UBA2: variants seen among roughly 807,000 people sequenced by gnomAD.
UBA2 encodes the protein ubiquitin like modifier activating enzyme 2, also known as SUMO-activating enzyme subunit 2.
A neutral mutation model predicts 77.2 loss-of-function variants in UBA2; 11 were observed. The ratio of observed to expected loss-of-function variants is 0.14; its 90% CI spans 0.09 to 0.24. The LOEUF (loss-of-function observed/expected upper bound fraction) is 0.24, where lower values mean the gene tolerates loss of function less well. UBA2 is among the 10% of genes least tolerant of loss of function. The probability of loss-of-function intolerance (pLI) is 1.00; values close to 1 mark genes in which losing one functional copy is unlikely to be tolerated. For synonymous variants in UBA2, 278 were observed against 276.7 expected (o/e 1.00, Z -0.05); for missense variants, 487 against 781.7 (o/e 0.62, Z 4.50).
At chr19:34,436,377 G>A (rs963046449) in intron 5 of UBA2, among the ~76,000 whole-genome samples, 8 of 151,936 alleles carry the variant, frequency 5.3e-5, no homozygotes, top group African/African-American at 1.5e-4. Context: ...TCAGCTCGCC[G>A]CAACCTCCGT....
At chr19:34,454,911 C>G (rs948662307) in intron 12 of UBA2, among the ~76,000 whole-genome samples, 2 of 152,098 alleles carry the variant, frequency 1.3e-5, no homozygotes, top group Non-Finnish European at 2.9e-5. Flanking sequence ...TTCAGTCATT[C>G]TCCTATTGAG....
intron 5 of UBA2, among the ~76,000 whole-genome samples, chr19:34,437,223 A>G (rs1410380916): frequency 2.0e-5 from 3 of 150,780 alleles, no homozygotes; most frequent in Non-Finnish European, 4.4e-5. Context: ...TGGCCTCCCA[A>G]AGTGCTGGGA....
In UBA2 at chr19:34,452,165, G is replaced by A. The variant is rs1171247966; in HGVS notation, c.1038+18G>A. 2 of 1,563,438 alleles carry A rather than the reference G, an allele frequency of 1.3e-6. No homozygotes were observed. The highest frequency in any genetic ancestry group is 8.7e-7 in the Non-Finnish European group (1 of 1,147,834). ...GGGATAAGGTTCGTTTTGACAATGTGTGGCAAGTACTTACATGTCAAAAGT... is the reference window on the plus strand; with the variant it reads ...GGGATAAGGTTCGTTTTGACAATGTATGGCAAGTACTTACATGTCAAAAGT... On this transcript the variant is annotated intron_variant, in intron 10 of 16. Coordinates refer to ENST00000246548, the MANE Select transcript of UBA2 (RefSeq NM_005499.3).
At chr19:34,428,641 TCCA>T in intron 1 of UBA2, 71 bp downstream of exon 1, 1 of 712,124 alleles carries the variant, frequency 1.4e-6, no homozygotes, top group Non-Finnish European at 1.8e-6. Context: ...GTTCCGGGGC[TCCA>T]GGGGCTCTGA....
intron 7 of UBA2, 133 bp downstream of exon 7, chr19:34,444,044 G>GTTTTTTTTTTTTTTTTTTTTTTT (rs35028159): frequency 1.2e-5 from 2 of 165,008 alleles, no homozygotes; most frequent in African/African-American, 4.4e-5. Flanking sequence ...TTTTTTTTTT[G>GTTTTTTTTTTTTTTTTTTTTTTT]TTTTTTTTTT....
chr19:34,440,620 C>T (rs2075358612), intron 6 of UBA2, among the ~76,000 whole-genome samples: 1 of 152,066 alleles, frequency 6.6e-6, no homozygotes, highest in Admixed American at 6.6e-5. Flanking sequence ...ATGCAAAAAT[C>T]CTATGTAAAA....
Position 34,469,029 on chromosome 19 carries a change from T to C in UBA2, c.1742-11T>C, listed in dbSNP as rs2075714492. 6.3e-7 allele frequency: 1 copy of C among 1,586,766 alleles called. No individual in the cohort carries two copies. The highest frequency in any genetic ancestry group is 8.5e-7 in the Non-Finnish European group (1 of 1,170,126). ...TTACCCATTTTCTTTTTCCCTTTTT[T>C]CTGAAATAAGCTCAAGAGCAAGATG... is the stretch of plus-strand genomic sequence containing the variant. On this transcript the variant is annotated splice_polypyrimidine_tract_variant and intron_variant, in intron 16 of 16. Transcript: ENST00000246548.
chr19:34,428,807 C>T (rs1042508692), intron 1 of UBA2: 4 of 1,147,054 alleles, frequency 3.5e-6, no homozygotes, highest in African/African-American at 3.2e-5. Context: ...AGGCCGCGGG[C>T]CCCCGCCTCC....
At chr19:34,453,137 C>G (rs1400222803) in intron 10 of UBA2, among the ~76,000 whole-genome samples, 2 of 152,132 alleles carry the variant, frequency 1.3e-5, no homozygotes, top group Admixed American at 6.5e-5. Context: ...CCTCACCACA[C>G]CTTATGAGAT....
chr19:34,443,626 G>C (rs993984178), intron 6 of UBA2, among the ~76,000 whole-genome samples: 1 of 151,882 alleles, frequency 6.6e-6, no homozygotes, highest in Non-Finnish European at 1.5e-5. Context: ...ATTTTTGGTA[G>C]AGACGAGGTT....
At chr19:34,452,751 G>A (rs2075515526) in intron 10 of UBA2, among the ~76,000 whole-genome samples, 1 of 152,060 alleles carries the variant, frequency 6.6e-6, no homozygotes, top group East Asian at 1.9e-4. Flanking sequence ...ATGTTCCTGT[G>A]GTGTTGAAGA....
At chr19:34,453,250 G>A (rs1460437501) in intron 10 of UBA2, among the ~76,000 whole-genome samples, 22 of 152,140 alleles carry the variant, frequency 1.4e-4, no homozygotes, top group Non-Finnish European at 5.9e-5. Flanking sequence ...AAAGAACTAT[G>A]CTCTCAGTAT....
At chr19:34,445,558 C>T (rs559470775) in intron 8 of UBA2, among the ~76,000 whole-genome samples, 195 of 151,964 alleles carry the variant, frequency 1.3e-3, no homozygotes, top group African/African-American at 4.6e-3. Context: ...CCTGCCTCAG[C>T]CTTCCGAGTA....
rs1411688713 is a variant in UBA2, at chr19:34,457,208, A to G, written c.1246-1561A>G. 2.9e-4 allele frequency among the ~76,000 whole-genome samples: 39 copies of G among 133,976 alleles called. 1 individual carries two copies. The highest frequency in any genetic ancestry group is 1.0e-3 in the African/African-American group (36 of 34,750). The allele number at this position is 133,976 out of a possible 152,430, so 87.9% of individuals were successfully genotyped here. A position where few individuals can be genotyped will look rare whatever the true frequency, so the allele number is the denominator to read the frequency against. Reference sequence around the variant, plus strand: ...TATATATATATATATATATATATATATATATAAAATTAGCTGGGCATGGTG... The same window carrying G: ...TATATATATATATATATATATATATGTATATAAAATTAGCTGGGCATGGTG... On this transcript the variant is annotated intron_variant, in intron 12 of 16. Transcript: ENST00000246548.
At chr19:34,450,985 T>C (rs1164491170) in intron 9 of UBA2, among the ~76,000 whole-genome samples, 3 of 152,094 alleles carry the variant, frequency 2.0e-5, no homozygotes, top group Non-Finnish European at 2.9e-5. Context: ...AAAATTTTTT[T>C]AATGTTTAGA....
intron 3 of UBA2, among the ~76,000 whole-genome samples, chr19:34,432,944 G>T (rs988823417): frequency 6.6e-6 from 1 of 152,126 alleles, no homozygotes; most frequent in Non-Finnish European, 1.5e-5. Context: ...TCCCAGTGCT[G>T]CTAAAAACAG....
At chr19:34,445,264 T>A (rs2075415692) in intron 8 of UBA2, 143 bp downstream of exon 8, 3 of 799,140 alleles carry the variant, frequency 3.8e-6, no homozygotes, top group South Asian at 2.2e-5. Context: ...ATAAAATGAT[T>A]GATGCAGTCA....
At chr19:34,446,548 G>T (rs2075432442) in intron 8 of UBA2, among the ~76,000 whole-genome samples, 1 of 151,212 alleles carries the variant, frequency 6.6e-6, no homozygotes, top group Non-Finnish European at 1.5e-5. Flanking sequence ...GCTCTCCCCA[G>T]CTTGTATTTC....
chr19:34,461,365 GTTC>G (rs1289915025), intron 14 of UBA2, among the ~76,000 whole-genome samples: 26 of 152,260 alleles, frequency 1.7e-4, no homozygotes, highest in Admixed American at 1.6e-3. Context: ...TAGTGTCAAG[GTTC>G]TTCTTGGTTG....
Sources: allele counts gnomAD v4.1 joint callset (sites outside exome capture counted in the v4.1 genomes callset), GRCh38; gene constraint gnomAD v4.1.1; transcripts MANE v1.5; gene names NCBI Gene and HGNC (gene_info 2026-07-23, HGNC 2026-07-21).